The following MOSPD1 variants were observed in gnomAD, a reference collection of about 807,000 sequenced individuals.
MOSPD1 encodes motile sperm domain-containing protein 1.
MOSPD1 carries 5 observed loss-of-function variants against 16.7 expected under a neutral mutation model. The ratio of observed to expected loss-of-function variants is 0.30; its 90% CI spans 0.16 to 0.63. The LOEUF (loss-of-function observed/expected upper bound fraction) is 0.63. MOSPD1 is among the 30% of genes least tolerant of loss of function. The pLI is 0.82. For missense variants in MOSPD1, 104 were observed against 153.6 expected (o/e 0.68, Z 1.71); for synonymous variants, 67 against 59.2 (o/e 1.13, Z -0.61).
chrX:134,909,482 C>A (rs940138690), intron 1 of MOSPD1, among the ~76,000 whole-genome samples: 1 of 111,620 alleles, frequency 9.0e-6, no homozygotes, highest in Non-Finnish European at 1.9e-5. Flanking sequence ...AGGTCAGCTC[C>A]CTTTTATCTG....
intron 1 of MOSPD1, among the ~76,000 whole-genome samples, chrX:134,911,981 C>G (rs951207422): frequency 1.8e-5 from 2 of 112,281 alleles, no homozygotes; most frequent in African/African-American, 6.5e-5. Context: ...TTCAATTTCC[C>G]GATGAAAAGA....
At chrX:134,906,340 G>A (rs1406375669) in intron 1 of MOSPD1, among the ~76,000 whole-genome samples, 1 of 106,898 alleles carries the variant, frequency 9.4e-6, no homozygotes, top group Non-Finnish European at 1.9e-5. Context: ...CACCACGCCT[G>A]GCTAATTTTT....
intron 1 of MOSPD1, among the ~76,000 whole-genome samples, chrX:134,908,847 A>G (rs1466887502): frequency 8.9e-6 from 1 of 112,339 alleles, no homozygotes; most frequent in East Asian, 2.8e-4. Flanking sequence ...GAATGAAAAG[A>G]TAAGACTTTG....
rs1055806764 is a variant in MOSPD1 at position 134,910,971 on chromosome X, C to T, written c.-102+4211G>A. Among the ~76,000 whole-genome samples, 3 of 111,086 alleles carry T rather than the reference C, an allele frequency of 2.7e-5. No homozygotes were observed. The East Asian group carries it at 8.5e-4, about 31-fold the overall frequency. Reference sequence around the variant, plus strand: ...TTTTAACAAGTCTTCCAGGTGATTCCGATCCACACTAAACTTTGAGAACCA... The same window carrying T: ...TTTTAACAAGTCTTCCAGGTGATTCTGATCCACACTAAACTTTGAGAACCA... On this transcript the variant is annotated intron_variant, in intron 1 of 5. Coordinates refer to ENST00000370783, the MANE Select transcript of MOSPD1 (RefSeq NM_019556.3).
At chrX:134,898,957 C>T (rs1210666936) in intron 3 of MOSPD1, 133 bp downstream of exon 3, 1 of 548,449 alleles carries the variant, frequency 1.8e-6, no homozygotes, top group Non-Finnish European at 2.9e-6. Flanking sequence ...GATAGACAAA[C>T]TTTCGGCAAA....
In MOSPD1 at chrX:134,899,520, A is replaced by G. The variant is rs779886217; in HGVS notation, c.-87T>C. ...TTCTTAGATTCAGTTAAAAACTCCA[A>G]AGCATTTTGGCAATCTAGAAATAGA... On this transcript the variant is annotated 5_prime_UTR_variant, in exon 2 of 6. Transcript: ENST00000370783. The G allele has an allele frequency of 1.0e-6, 1 of 956,607 alleles. No individual in the cohort carries two copies. Among genetic ancestry groups the G allele is most frequent in the Admixed American group, 3.6e-5 (1 of 28,134 alleles). 78.8% of individuals were successfully genotyped at this position (956,607 alleles called of 1,213,427 possible). A position where few individuals can be genotyped will look rare whatever the true frequency, so the allele number is the denominator to read the frequency against.
At chrX:134,902,849 C>A (rs866397549) in intron 1 of MOSPD1, among the ~76,000 whole-genome samples, 193 of 64,538 alleles carry the variant, frequency 3.0e-3, no homozygotes, top group Admixed American at 3.7e-3. Flanking sequence ...TGGGTTTATA[C>A]AAAAAAAAAA....
At chrX:134,910,170 G>A (rs1466842586) in intron 1 of MOSPD1, among the ~76,000 whole-genome samples, 1 of 111,487 alleles carries the variant, frequency 9.0e-6, no homozygotes, top group Non-Finnish European at 1.9e-5. Context: ...TTGGGAGGCC[G>A]AGGTGGGCAG....
rs1369947136 is a variant in MOSPD1, at chrX:134,896,939, C to T, written c.326G>A (p.Gly109Glu). The change falls in exon 4 of 6, where the codon GGA becomes GAA. Residue 109 changes from glycine to glutamate, a missense_variant. Gly to Glu is a moderately conservative substitution (Grantham distance 98, BLOSUM62 -2). This residue lies in a region of MOSPD1 where 68 missense variants were observed against 73.1 expected (regional missense o/e 0.93). Coordinates refer to ENST00000370783, the MANE Select transcript of MOSPD1 (RefSeq NM_019556.3). ...AAGAGTAGCAACAACCTCTTTTCTT[C>T]CCAAAGCCTTCCTTTGGCTTTGCTC... ...VSEQSQRKAL[G>E]RKEVVATLLP... The T allele has an allele frequency of 8.3e-7, 1 of 1,207,888 alleles. No homozygotes were observed. Among genetic ancestry groups the T allele is most frequent in the African/African-American group, 1.8e-5 (1 of 57,056 alleles).
intron 1 of MOSPD1, among the ~76,000 whole-genome samples, chrX:134,901,127 ATTC>A (rs201611979): frequency 0.12 from 12,866 of 111,415 alleles, 623 homozygotes; most frequent in East Asian, 0.25. Flanking sequence ...GCAAATATTT[ATTC>A]TTTTCTTTCA....
At chrX:134,902,849 C>CA (rs779709545) in intron 1 of MOSPD1, among the ~76,000 whole-genome samples, 3,444 of 65,200 alleles carry the variant, frequency 0.053, 109 homozygotes, top group African/African-American at 0.13. Context: ...TGGGTTTATA[C>CA]AAAAAAAAAA....
chrX:134,913,111 C>T (rs1039065825), intron 1 of MOSPD1, among the ~76,000 whole-genome samples: 20 of 109,654 alleles, frequency 1.8e-4, no homozygotes, highest in African/African-American at 6.4e-4. Flanking sequence ...TGGTGGCTCA[C>T]GCCTGTAATC....
chrX:134,903,415 T>C (rs1276361211), intron 1 of MOSPD1, among the ~76,000 whole-genome samples: 1 of 110,226 alleles, frequency 9.1e-6, no homozygotes, highest in East Asian at 2.8e-4. Context: ...TTTTTTTCAC[T>C]TAGAAATTGT....
intron 1 of MOSPD1, among the ~76,000 whole-genome samples, chrX:134,903,831 G>A (rs778116730): frequency 9.0e-6 from 1 of 110,850 alleles, no homozygotes; most frequent in African/African-American, 3.3e-5. Flanking sequence ...ACGAGGTCAG[G>A]AGTTTGAGAC....
At chrX:134,892,755 G>A (rs1045907862) in intron 4 of MOSPD1, among the ~76,000 whole-genome samples, 14 of 110,862 alleles carry the variant, frequency 1.3e-4, no homozygotes, top group African/African-American at 4.6e-4. Context: ...AGCCGGGTGT[G>A]GTGGCACGCA....
chrX:134,891,175 G>A (rs986216675), intron 5 of MOSPD1, among the ~76,000 whole-genome samples: 2 of 111,366 alleles, frequency 1.8e-5, no homozygotes, highest in Admixed American at 9.6e-5. Context: ...TTCCCTAGGA[G>A]CAATTCCTAA....
At chrX:134,904,305 G>A (rs113953321) in intron 1 of MOSPD1, among the ~76,000 whole-genome samples, 39 of 112,077 alleles carry the variant, frequency 3.5e-4, no homozygotes, top group African/African-American at 1.1e-3. Flanking sequence ...TGATGGGAAC[G>A]ATCAAGCATG....
At chrX:134,904,803 A>G (rs1468062921) in intron 1 of MOSPD1, among the ~76,000 whole-genome samples, 1 of 108,360 alleles carries the variant, frequency 9.2e-6, no homozygotes, top group Non-Finnish European at 1.9e-5. Context: ...CGGAGGTTGC[A>G]GTGAGCCGAG....
chrX:134,894,817 A>G (rs1454251034), intron 4 of MOSPD1, among the ~76,000 whole-genome samples: 1 of 111,781 alleles, frequency 8.9e-6, no homozygotes, highest in African/African-American at 3.3e-5. Context: ...AGCTCAGCCC[A>G]TTTACAAGTT....
Sources: allele counts gnomAD v4.1 joint callset (sites outside exome capture counted in the v4.1 genomes callset), GRCh38; gene constraint gnomAD v4.1.1; regional missense constraint gnomAD v4.1.1; transcripts MANE v1.5; gene names NCBI Gene and HGNC (gene_info 2026-07-23, HGNC 2026-07-21).